The following ATP5F1A variants were observed in gnomAD, a reference collection of about 807,000 sequenced individuals.
ATP5F1A encodes ATP synthase F1 subunit alpha, also known as ATP synthase F(1) complex subunit alpha, mitochondrial.
In ATP5F1A, 24 loss-of-function variants were observed where a neutral mutation model predicts 57.4. The ratio of observed to expected loss-of-function variants is 0.42; its 90% confidence interval spans 0.30 to 0.59. The LOEUF is 0.59. Among genes scored for constraint, ATP5F1A ranks in the 20% least tolerant of loss-of-function variants. The pLI, the probability that ATP5F1A is intolerant of heterozygous loss-of-function variation, is 0.19. For synonymous variants in ATP5F1A, 251 were observed against 255.5 expected (o/e 0.98, Z 0.17); for missense variants, 494 against 707.9 (o/e 0.70, Z 3.43).
intron 1 of ATP5F1A, chr18:46,097,916 C>T: frequency 8.0e-7 from 1 of 1,245,688 alleles, no homozygotes; most frequent in Non-Finnish European, 1.0e-6. Context: ...CGCTGTCAGC[C>T]GAAGACAGGA....
chr18:46,086,719 A>G, intron 8 of ATP5F1A: 3 of 596,794 alleles, frequency 5.0e-6, no homozygotes, highest in Non-Finnish European at 8.8e-6. Context: ...ACTGAAATAC[A>G]TACAAATGAA....
In ATP5F1A at chr18:46,086,374, G is replaced by T. The variant is rs1194912707; in HGVS notation, c.1284+13C>A. The T allele has an allele frequency of 6.2e-7, 1 of 1,613,942 alleles. No individual in the cohort carries two copies. The highest frequency in any genetic ancestry group is 1.3e-5 in the African/African-American group (1 of 75,010). On this transcript the variant is annotated intron_variant, in intron 9 of 11. Transcript: ENST00000398752. Reference sequence around the variant, plus strand: ...ATGATAGCCCCCTTACTGCCAAAGTGATGCAAAATTACCTGCTTCATAGCC... The same window carrying T: ...ATGATAGCCCCCTTACTGCCAAAGTTATGCAAAATTACCTGCTTCATAGCC...
At chr18:46,086,281 T>C (rs368335422) in intron 9 of ATP5F1A, 24 bp from the exon 10 acceptor site, 20 of 1,613,602 alleles carry the variant, frequency 1.2e-5, no homozygotes, top group Non-Finnish European at 1.6e-5. Context: ...ATTACTGTAC[T>C]GTAACTCAGT....
intron 1 of ATP5F1A, among the ~76,000 whole-genome samples, chr18:46,096,388 T>C (rs932494391): frequency 3.3e-5 from 5 of 151,096 alleles, no homozygotes; most frequent in African/African-American, 1.2e-4. Flanking sequence ...TAATCCCAGC[T>C]ACTCGGGAAG....
Position 46,095,039 on chromosome 18 carries a change from AAAT to A in ATP5F1A, c.139+11_139+13del. The A allele has an allele frequency of 6.2e-7, 1 of 1,607,476 alleles. No individual in the cohort carries two copies. Among genetic ancestry groups the A allele is most frequent in the Non-Finnish European group, 8.5e-7 (1 of 1,176,950 alleles). On this transcript the variant is annotated intron_variant, in intron 2 of 11. Coordinates refer to ENST00000398752, the MANE Select transcript of ATP5F1A (RefSeq NM_004046.6). ...TCTAGTAAGTGCGGCGTAGACTGAG[AAAT>A]AATAACTTACCAGTCTTTTGAAGAT...
At chr18:46,085,897 C>A (rs1416272188) in intron 10 of ATP5F1A, 8 of 550,564 alleles carry the variant, frequency 1.5e-5, no homozygotes, top group Non-Finnish European at 2.1e-5. Flanking sequence ...TGCGCCATTG[C>A]ACTTCAGCCT....
chr18:46,091,527 T>C (rs1187144336), intron 3 of ATP5F1A, among the ~76,000 whole-genome samples, 155 bp downstream of exon 3: 7 of 152,174 alleles, frequency 4.6e-5, no homozygotes, highest in African/African-American at 1.7e-4. Flanking sequence ...AACCCTTAAG[T>C]TTATTCTCTT....
chr18:46,101,319 C>T (rs1911269278), upstream of ATP5F1A, among the ~76,000 whole-genome samples: 1 of 151,870 alleles, frequency 6.6e-6, no homozygotes, highest in African/African-American at 2.4e-5. Flanking sequence ...AATCCTAGCA[C>T]ATTGGGAGGC....
chr18:46,102,480 T>C (rs1911304722), upstream of ATP5F1A, among the ~76,000 whole-genome samples: 1 of 152,058 alleles, frequency 6.6e-6, no homozygotes, highest in Non-Finnish European at 1.5e-5. Flanking sequence ...CGTGCCACCA[T>C]GCCTGGCTAA....
chr18:46,099,307 A>G (rs1322336776), upstream of ATP5F1A: 1 of 150,770 alleles, frequency 6.6e-6, no homozygotes, highest in East Asian at 1.9e-4. Flanking sequence ...GCTTACCTGG[A>G]TGGGCTTTTT....
At chr18:46,101,610 A>G (rs550202147), upstream of ATP5F1A, among the ~76,000 whole-genome samples, 4 of 139,066 alleles carry the variant, frequency 2.9e-5, no homozygotes, top group Admixed American at 7.1e-5. Context: ...ATAACAACAA[A>G]ATTAGCCGGC....
chr18:46,086,497 A>G lies in ATP5F1A; in HGVS notation c.1177-3T>C, dbSNP rs1910109162. Reference sequence around the variant, plus strand: ...AACAATTCTGTTTCCAAGAAGATCTATAATGTAAGGAAATACGCACGCTAG... The same window carrying G: ...AACAATTCTGTTTCCAAGAAGATCTGTAATGTAAGGAAATACGCACGCTAG... On this transcript the variant is annotated splice_polypyrimidine_tract_variant and splice_region_variant and intron_variant, in intron 8 of 11. Coordinates refer to ENST00000398752, the MANE Select transcript of ATP5F1A (RefSeq NM_004046.6). 1 of 1,613,020 alleles carries G rather than the reference A, an allele frequency of 6.2e-7. No homozygotes were observed. Among genetic ancestry groups the G allele is most frequent in the Non-Finnish European group, 8.5e-7 (1 of 1,179,324 alleles).
intron 10 of ATP5F1A, 112 bp downstream of exon 10, chr18:46,086,001 T>A: frequency 8.5e-7 from 1 of 1,178,366 alleles, no homozygotes; most frequent in Non-Finnish European, 1.2e-6. Flanking sequence ...TGATGAAAGA[T>A]AACAGATAAC....
In ATP5F1A at chr18:46,086,819, G is replaced by A. The variant is rs1483199229; in HGVS notation, c.1176+189C>T. 2.4e-5 allele frequency: 16 copies of A among 656,524 alleles called. 1 individual carries two copies. In the Middle Eastern group the frequency reaches 1.7e-3, roughly 69 times the overall value. 40.7% of individuals were successfully genotyped at this position (656,524 alleles called of 1,614,324 possible). A position where few individuals can be genotyped will look rare whatever the true frequency, so the allele number is the denominator to read the frequency against. On this transcript the variant is annotated intron_variant, in intron 8 of 11. Coordinates refer to ENST00000398752, the MANE Select transcript of ATP5F1A (RefSeq NM_004046.6). ...ACTAGAACGAAACATGCTACTCTAT[G>A]CAATAACTGGGTGACAGATACATGG...
rs371613044 is a variant in ATP5F1A, at chr18:46,095,146, T to G, written c.61-15A>C. 7 of 1,607,216 alleles carry G rather than the reference T, an allele frequency of 4.4e-6. No homozygotes were observed. Among genetic ancestry groups the G allele is most frequent in the Non-Finnish European group, 5.9e-6 (7 of 1,178,148 alleles). ...TTTCTGGAGACCTAGTGCAAAAGTA[T>G]TCTTAAAAATTTGATTTTTAACAAA... On this transcript the variant is annotated splice_polypyrimidine_tract_variant and intron_variant, in intron 1 of 11. Coordinates refer to ENST00000398752, the MANE Select transcript of ATP5F1A (RefSeq NM_004046.6).
intron 10 of ATP5F1A, 180 bp downstream of exon 10, chr18:46,085,933 C>CAA (rs34456835): frequency 0.021 from 12,369 of 593,464 alleles, no homozygotes; most frequent in Middle Eastern, 0.037. Flanking sequence ...AACTTCGTCT[C>CAA]AAAAAAAAAA....
intron 1 of ATP5F1A, among the ~76,000 whole-genome samples, chr18:46,096,355 C>A (rs1390527533): frequency 6.6e-6 from 1 of 151,512 alleles, no homozygotes; most frequent in Non-Finnish European, 1.5e-5. Flanking sequence ...ACAAAATTAG[C>A]TGGGCGTGGT....
rs559516147 is a variant in ATP5F1A at position 46,094,988 on chromosome 18, T to C, written c.139+65A>G. On this transcript the variant is annotated intron_variant, in intron 2 of 11. Coordinates refer to ENST00000398752, the MANE Select transcript of ATP5F1A (RefSeq NM_004046.6). ...AATGAAAAACAACTCACCACAGTTA[T>C]ACGATGTATGTAATTTATATCTTCA... 265 of 1,520,692 alleles carry C rather than the reference T, an allele frequency of 1.7e-4. 1 individual carries two copies. The East Asian group carries it at 2.2e-3, about 13-fold the overall frequency. 94.2% of individuals were successfully genotyped at this position (1,520,692 alleles called of 1,614,324 possible). A position where few individuals can be genotyped will look rare whatever the true frequency, so the allele number is the denominator to read the frequency against.
rs763417759 is a variant in ATP5F1A at position 46,098,246 on chromosome 18, C to G, written c.-15G>C. 20 of 1,603,202 alleles carry G rather than the reference C, an allele frequency of 1.2e-5. No homozygotes were observed. The highest frequency in any genetic ancestry group is 2.7e-5 in the African/African-American group (2 of 74,826). On this transcript the variant is annotated 5_prime_UTR_variant, in exon 1 of 12. Coordinates refer to ENST00000398752, the MANE Select transcript of ATP5F1A (RefSeq NM_004046.6). ...ACGGACAGCATCTTTGCAGTTACTC[C>G]GCAGGCGGTACTTCTGCAGCCGCAG...
Sources: allele counts gnomAD v4.1 joint callset (sites outside exome capture counted in the v4.1 genomes callset), GRCh38; gene constraint gnomAD v4.1.1; transcripts MANE v1.5; gene names NCBI Gene and HGNC (gene_info 2026-07-23, HGNC 2026-07-21).